EFNA5: variants seen among roughly 807,000 people sequenced by gnomAD.
The protein encoded by EFNA5 is ephrin A5, also known as ephrin-A5.
A neutral mutation model predicts 22.9 loss-of-function variants in EFNA5; 5 were observed. That is an observed-to-expected ratio of 0.22 (90% CI 0.11 to 0.46). The LOEUF (loss-of-function observed/expected upper bound fraction) is 0.46, where lower values mean the gene tolerates loss of function less well. Among genes scored for constraint, EFNA5 ranks in the 20% least tolerant of loss-of-function variants. EFNA5 has a pLI of 0.99. For missense variants in EFNA5, 237 were observed against 293.3 expected (o/e 0.81, Z 1.40); for synonymous variants, 113 against 112.2 (o/e 1.01, Z -0.04).
At chr5:107,513,593 C>T (rs141694556) in intron 1 of EFNA5, among the ~76,000 whole-genome samples, 170 of 152,236 alleles carry the variant, frequency 1.1e-3, no homozygotes, top group African/African-American at 3.9e-3. Flanking sequence ...AAATAGGACA[C>T]CGACACCCCA....
Position 107,379,280 on chromosome 5 carries a change from A to C in EFNA5, c.*1975T>G, listed in dbSNP as rs765707294. Reference sequence around the variant, plus strand: ...CCAGATTACATTTCAACATGTGTACAACTCTCCAGGGCACAATACGTTTAC... The same window carrying C: ...CCAGATTACATTTCAACATGTGTACCACTCTCCAGGGCACAATACGTTTAC... On this transcript the variant is annotated 3_prime_UTR_variant, in exon 5 of 5. Coordinates refer to ENST00000333274, the MANE Select transcript of EFNA5 (RefSeq NM_001962.3). 1 of 152,168 alleles carries C rather than the reference A, an allele frequency of 6.6e-6. No individual in the cohort carries two copies. The highest frequency in any genetic ancestry group is 1.9e-4 in the East Asian group (1 of 5,198). The allele number at this position is 152,168 out of a possible 1,614,324, so 9.4% of individuals were successfully genotyped here. A position where few individuals can be genotyped will look rare whatever the true frequency, so the allele number is the denominator to read the frequency against.
chr5:107,457,576 C>A (rs1749728033), intron 1 of EFNA5, among the ~76,000 whole-genome samples: 1 of 151,972 alleles, frequency 6.6e-6, no homozygotes, highest in Admixed American at 6.6e-5. Flanking sequence ...AGTACAGACA[C>A]TTTTTATTTC....
chr5:107,425,283 A>G (rs1748781698), intron 2 of EFNA5, among the ~76,000 whole-genome samples: 1 of 152,216 alleles, frequency 6.6e-6, no homozygotes, highest in Admixed American at 6.5e-5. Context: ...TCAACTAGTT[A>G]GTTAGTGGGT....
At chr5:107,547,367 A>G (rs1197636274) in intron 1 of EFNA5, among the ~76,000 whole-genome samples, 1 of 152,198 alleles carries the variant, frequency 6.6e-6, no homozygotes, top group African/African-American at 2.4e-5. Flanking sequence ...GTTTTCCTTT[A>G]ATAACACTCA....
chr5:107,458,982 A>G (rs532494732), intron 1 of EFNA5, among the ~76,000 whole-genome samples: 2 of 152,284 alleles, frequency 1.3e-5, no homozygotes, highest in South Asian at 4.1e-4. Context: ...TGATTTTTGT[A>G]CCTTGACACC....
At chr5:107,607,483 C>T (rs1749748030) in intron 1 of EFNA5, among the ~76,000 whole-genome samples, 1 of 152,164 alleles carries the variant, frequency 6.6e-6, no homozygotes, top group African/African-American at 2.4e-5. Context: ...ATTTCAGGTA[C>T]AAACCTTTAA....
At chr5:107,405,298 A>G (rs1319618674) in intron 2 of EFNA5, among the ~76,000 whole-genome samples, 1 of 152,166 alleles carries the variant, frequency 6.6e-6, no homozygotes, top group Non-Finnish European at 1.5e-5. Context: ...GAGAACCAAA[A>G]GGAACATACA....
Position 107,427,445 on chromosome 5 carries a change from G to A in EFNA5, c.190C>T (p.His64Tyr), listed in dbSNP as rs201968475. Residue 64 changes from histidine (H) to tyrosine (Y), a missense_variant, in exon 2 of 5, where the codon CAC becomes TAC. His to Tyr is a moderately conservative substitution (Grantham distance 83, BLOSUM62 2). This residue lies in a region of EFNA5 where 120 missense variants were observed against 140.5 expected (regional missense o/e 0.85). Transcript: ENST00000333274. ...TCTTCTGGGACGGAGTCCTCATAGT[G>A]AGGGCAGAAAACATCCAGGTAGTCA... ...INDYLDVFCP[H>Y]YEDSVPEDKT... 48 of 1,614,026 alleles carry A rather than the reference G, an allele frequency of 3.0e-5. No individual in the cohort carries two copies. Among genetic ancestry groups the A allele is most frequent in the Non-Finnish European group, 8.5e-7 (1 of 1,179,988 alleles).
intron 2 of EFNA5, among the ~76,000 whole-genome samples, chr5:107,400,249 T>A (rs1325490838): frequency 6.6e-6 from 1 of 150,556 alleles, no homozygotes. Context: ...CTAATCTGAA[T>A]AGGCTAAATT....
chr5:107,494,479 C>T (rs1412281845), intron 1 of EFNA5, among the ~76,000 whole-genome samples: 1 of 152,204 alleles, frequency 6.6e-6, no homozygotes, highest in Admixed American at 6.5e-5. Context: ...GCTGCCTTCC[C>T]GTGGGGCTGG....
chr5:107,379,908 T>TA lies in EFNA5; in HGVS notation c.*1346dup, dbSNP rs1408986426. The TA allele has an allele frequency of 6.6e-6, 1 of 152,182 alleles. No homozygotes were observed. Among genetic ancestry groups the TA allele is most frequent in the Non-Finnish European group, 1.5e-5 (1 of 68,042 alleles). The allele number at this position is 152,182 out of a possible 1,614,324, so 9.4% of individuals were successfully genotyped here. A position where few individuals can be genotyped will look rare whatever the true frequency, so the allele number is the denominator to read the frequency against. On this transcript the variant is annotated 3_prime_UTR_variant, in exon 5 of 5. Transcript: ENST00000333274. ...TGTATTTTCTATTCTAGTGGATTTT[T>TA]AAAAAAATATTTTGTTAAAGTCTTT...
At chr5:107,527,547 A>G (rs925173503) in intron 1 of EFNA5, among the ~76,000 whole-genome samples, 1 of 152,152 alleles carries the variant, frequency 6.6e-6, no homozygotes, top group African/African-American at 2.4e-5. Flanking sequence ...AGCCTCCCGA[A>G]GTGCTGAGAT....
intron 1 of EFNA5, among the ~76,000 whole-genome samples, chr5:107,592,268 T>C (rs1381986137): frequency 6.6e-6 from 1 of 150,758 alleles, no homozygotes; most frequent in Non-Finnish European, 1.5e-5. Flanking sequence ...TATTTTCAAA[T>C]AGATTTCCAA....
At chr5:107,457,006 C>G (rs1416409893) in intron 1 of EFNA5, among the ~76,000 whole-genome samples, 1 of 152,100 alleles carries the variant, frequency 6.6e-6, no homozygotes, top group African/African-American at 2.4e-5. Context: ...TCTCTTCTTG[C>G]AGGTCAAACT....
chr5:107,397,267 C>T (rs1374170025), intron 2 of EFNA5, among the ~76,000 whole-genome samples: 2 of 151,982 alleles, frequency 1.3e-5, no homozygotes, highest in South Asian at 2.1e-4. Flanking sequence ...GAAAACAAAA[C>T]AGGCTGGGCG....
chr5:107,421,242 C>T (rs1445577888), intron 2 of EFNA5, among the ~76,000 whole-genome samples: 3 of 152,160 alleles, frequency 2.0e-5, no homozygotes, highest in Non-Finnish European at 4.4e-5. Context: ...TAACCACATA[C>T]ATTTAAGCAT....
intron 2 of EFNA5, among the ~76,000 whole-genome samples, chr5:107,409,783 T>C (rs1056501337): frequency 5.9e-5 from 9 of 152,238 alleles, no homozygotes; most frequent in African/African-American, 1.9e-4. Flanking sequence ...ACAGAGCCTA[T>C]CACATGAACA....
intron 1 of EFNA5, among the ~76,000 whole-genome samples, chr5:107,652,136 T>C (rs983994574): frequency 6.6e-6 from 1 of 152,138 alleles, no homozygotes; most frequent in African/African-American, 2.4e-5. Flanking sequence ...AAATTCACAC[T>C]CCACAACTTG....
At chr5:107,381,467 T>G in intron 4 of EFNA5, 91 bp from the exon 5 acceptor site, 1 of 1,415,316 alleles carries the variant, frequency 7.1e-7, no homozygotes, top group Non-Finnish European at 9.4e-7. Context: ...CTCGCCACCC[T>G]CTGCAAAGTA....
Sources: gnomAD v4.1 joint callset for allele counts (sites outside exome capture counted in the v4.1 genomes callset) on GRCh38, gnomAD v4.1.1 for gene constraint, gnomAD v4.1.1 regional missense constraint, MANE v1.5 for transcripts, NCBI Gene and HGNC (gene_info 2026-07-23, HGNC 2026-07-21) for gene names.